The following PRKCA variants were observed in gnomAD, a reference collection of about 807,000 sequenced individuals.
The protein encoded by PRKCA is protein kinase C alpha.
A neutral mutation model predicts 87.0 loss-of-function variants in PRKCA; 27 were observed. The observed-to-expected ratio is 0.31, with a 90% CI of 0.23 to 0.43. The LOEUF (loss-of-function observed/expected upper bound fraction) is 0.43. Among genes scored for constraint, PRKCA ranks in the 20% least tolerant of loss-of-function variants. The pLI is 1.00. For missense variants in PRKCA, 518 were observed against 852.3 expected (o/e 0.61, Z 4.88); for synonymous variants, 329 against 311.1 (o/e 1.06, Z -0.61).
intron 3 of PRKCA, among the ~76,000 whole-genome samples, chr17:66,555,615 C>G (rs1367367217): frequency 6.6e-6 from 1 of 152,166 alleles, no homozygotes; most frequent in East Asian, 1.9e-4. Flanking sequence ...TTCTAGACAA[C>G]TTGTAGCCTA....
At chr17:66,303,975 G>A (rs1904658788) in intron 1 of PRKCA, among the ~76,000 whole-genome samples, 1 of 152,198 alleles carries the variant, frequency 6.6e-6, no homozygotes, top group Non-Finnish European at 1.5e-5. Context: ...ACTCCAGCCT[G>A]GGTGAGACAG....
intron 2 of PRKCA, among the ~76,000 whole-genome samples, chr17:66,473,397 G>T (rs766420318): frequency 1.3e-5 from 2 of 152,100 alleles, no homozygotes; most frequent in Admixed American, 6.5e-5. Context: ...AGCTGGAGCC[G>T]CTGTGCCCAT....
At chr17:66,417,052 C>A (rs1037732759) in intron 2 of PRKCA, among the ~76,000 whole-genome samples, 2 of 152,082 alleles carry the variant, frequency 1.3e-5, no homozygotes. Context: ...GTGCCCCCTA[C>A]CACGCCCAGC....
At chr17:66,742,851 A>G (rs1974186667) in intron 13 of PRKCA, 91 bp downstream of exon 13, 1 of 1,418,748 alleles carries the variant, frequency 7.0e-7, no homozygotes, top group East Asian at 2.4e-5. Context: ...GCGAATCATG[A>G]AGTCAGTGCA....
At chr17:66,700,178 A>G in intron 8 of PRKCA, among the ~76,000 whole-genome samples, 1 of 152,256 alleles carries the variant, frequency 6.6e-6, no homozygotes. Flanking sequence ...GTGATACACA[A>G]CATTAACAGA....
rs1044038641 is a variant in PRKCA at position 66,735,373 on chromosome 17, C to G, written c.1057-116C>G. On this transcript the variant is annotated intron_variant, in intron 9 of 16. Coordinates refer to ENST00000413366, the MANE Select transcript of PRKCA (RefSeq NM_002737.3). ...ACATAAAGTTTAATATTTTTATGTT[C>G]CACATTGACAAAGGTGCACAAACTG... 4.8e-6 allele frequency: 5 copies of G among 1,043,804 alleles called. No individual in the cohort carries two copies. In the African/African-American group the frequency reaches 6.4e-5, roughly 13 times the overall value. 64.7% of individuals were successfully genotyped at this position (1,043,804 alleles called of 1,614,324 possible).
At chr17:66,568,275 C>T (rs188379728) in intron 3 of PRKCA, among the ~76,000 whole-genome samples, 2 of 152,330 alleles carry the variant, frequency 1.3e-5, no homozygotes, top group East Asian at 1.9e-4. Context: ...GATGGCACCA[C>T]TGCACTCCAG....
chr17:66,624,241 G>A (rs1445703158), intron 3 of PRKCA, among the ~76,000 whole-genome samples: 4 of 151,980 alleles, frequency 2.6e-5, no homozygotes. Context: ...GGGCTGTAAG[G>A]CCTGGCTTAG....
intron 14 of PRKCA, chr17:66,777,111 GT>G: frequency 1.8e-5 from 10 of 554,230 alleles, no homozygotes; most frequent in Non-Finnish European, 2.3e-5. Context: ...CAGAGAGAGA[GT>G]TAACCACCTG....
chr17:66,354,151 GGTGT>G (rs1382761704), intron 2 of PRKCA, among the ~76,000 whole-genome samples: 1 of 152,190 alleles, frequency 6.6e-6, no homozygotes, highest in African/African-American at 2.4e-5. Flanking sequence ...TGAGTTGGTT[GGTGT>G]GTATCTCCAG....
At chr17:66,478,997 A>G (rs1915655854) in intron 2 of PRKCA, among the ~76,000 whole-genome samples, 1 of 152,252 alleles carries the variant, frequency 6.6e-6, no homozygotes, top group African/African-American at 2.4e-5. Flanking sequence ...GCCAAAAGCA[A>G]TTGCGACAAA....
intron 2 of PRKCA, chr17:66,412,627 G>A (rs1366743264): frequency 1.3e-5 from 2 of 152,156 alleles, no homozygotes; most frequent in Admixed American, 6.5e-5. Context: ...TCTGAGCTAT[G>A]TGCCACCTGC....
At chr17:66,680,357 C>T (rs1468273983) in intron 5 of PRKCA, among the ~76,000 whole-genome samples, 2 of 152,126 alleles carry the variant, frequency 1.3e-5, no homozygotes, top group Non-Finnish European at 2.9e-5. Flanking sequence ...GTCACGGGGT[C>T]AGCACAGACT....
intron 13 of PRKCA, among the ~76,000 whole-genome samples, chr17:66,772,916 A>G (rs1166730323): frequency 6.6e-6 from 1 of 152,122 alleles, no homozygotes; most frequent in Non-Finnish European, 1.5e-5. Flanking sequence ...CAGTTCACCC[A>G]TAAATACTTT....
chr17:66,764,780 C>T (rs1037109111), intron 13 of PRKCA, among the ~76,000 whole-genome samples: 1 of 152,206 alleles, frequency 6.6e-6, no homozygotes. Context: ...GGCGTCACAG[C>T]CCCTTGCCTG....
At chr17:66,378,561 C>G (rs1909606935) in intron 2 of PRKCA, among the ~76,000 whole-genome samples, 1 of 152,134 alleles carries the variant, frequency 6.6e-6, no homozygotes, top group Admixed American at 6.6e-5. Context: ...CATGAATCTA[C>G]TTTCTGTCTC....
intron 2 of PRKCA, among the ~76,000 whole-genome samples, chr17:66,347,113 T>C (rs1002214727): frequency 3.9e-5 from 6 of 152,132 alleles, no homozygotes; most frequent in Non-Finnish European, 7.3e-5. Context: ...TATTAGAAAT[T>C]TAAGATGAGA....
intron 5 of PRKCA, among the ~76,000 whole-genome samples, chr17:66,652,871 C>T (rs942103969): frequency 2.6e-5 from 4 of 152,256 alleles, no homozygotes; most frequent in African/African-American, 9.6e-5. Context: ...TGCCTCTGTC[C>T]ATGGCCACCA....
intron 2 of PRKCA, among the ~76,000 whole-genome samples, chr17:66,354,874 T>C (rs1159491347): frequency 6.6e-6 from 1 of 152,240 alleles, no homozygotes; most frequent in Admixed American, 6.5e-5. Flanking sequence ...TGATATTTCT[T>C]TGTATCTTCT....
Sources: gnomAD v4.1 joint callset for allele counts (sites outside exome capture counted in the v4.1 genomes callset) on GRCh38, gnomAD v4.1.1 for gene constraint, MANE v1.5 for transcripts, NCBI Gene and HGNC (gene_info 2026-07-23, HGNC 2026-07-21) for gene names.